PCDHA12: variants seen among roughly 807,000 people sequenced by gnomAD.
PCDHA12 encodes protocadherin alpha-12.
PCDHA12 carries 44 observed loss-of-function variants against 60.0 expected under a neutral mutation model. The observed-to-expected ratio is 0.73, with a 90% CI of 0.58 to 0.94. The LOEUF is 0.94. Among genes scored for constraint, PCDHA12 ranks in the 40% least tolerant of loss-of-function variants. PCDHA12 has a pLI of 0.00. For missense variants in PCDHA12, 1,276 were observed against 1,239.7 expected, an observed-to-expected ratio of 1.03 and a Z score of -0.44; for synonymous variants, 569 against 553.0, an observed-to-expected ratio of 1.03 and a Z score of -0.40.
rs150382315 is a variant in PCDHA12, at chr5:140,929,255, G to A, written c.2368-49694G>A. 5.2e-5 allele frequency: 84 copies of A among 1,613,256 alleles called. No homozygotes were observed. In the South Asian group the frequency reaches 8.9e-4, roughly 17 times the overall value. On this transcript the variant is annotated intron_variant, in intron 1 of 3. Coordinates refer to ENST00000398631, the MANE Select transcript of PCDHA12 (RefSeq NM_018903.4). ...CTGCGAAATCTTGCCACTGGGGTAG[G>A]ACTGAATTTGCCAATATCCTGTATT...
At position 140,978,997 on chromosome 5, in the gene PCDHA12, G is replaced by C. The variant is rs782253140; in HGVS notation, c.2416G>C (p.Gly806Arg). The C allele has an allele frequency of 2.7e-5, 44 of 1,614,040 alleles. No individual in the cohort carries two copies. Among genetic ancestry groups the C allele is most frequent in the Non-Finnish European group, 3.6e-5 (43 of 1,180,028 alleles). ...GCGTTACTCTGCCTCCCTGAGAGCA[G>C]GCATGCACAGGTATGTATTTCCCTC... ...DWRYSASLRAGMHSSVHLEEA... is the reference protein window; with the variant it reads ...DWRYSASLRARMHSSVHLEEA... Residue 806 changes from glycine to arginine, a missense_variant, in exon 2 of 4, where the codon GGC becomes CGC. Transcript: ENST00000398631.
At position 141,010,340 on chromosome 5, in the gene PCDHA12, C is replaced by T. The variant is rs1400539624; in HGVS notation, c.*403C>T. 2 of 1,533,798 alleles carry T rather than the reference C, an allele frequency of 1.3e-6. No homozygotes were observed. Among genetic ancestry groups the T allele is most frequent in the Non-Finnish European group, 1.8e-6 (2 of 1,140,544 alleles). On this transcript the variant is annotated 3_prime_UTR_variant, in exon 4 of 4. Coordinates refer to ENST00000398631, the MANE Select transcript of PCDHA12 (RefSeq NM_018903.4). ...TGAGCAGCTTGGGAGTTTGTGGCCA[C>T]TGGGTATGTGTGGCTACCGCGGGTA...
intron 3 of PCDHA12, among the ~76,000 whole-genome samples, chr5:140,998,290 C>T (rs782194130): frequency 3.9e-5 from 6 of 152,180 alleles, no homozygotes; most frequent in Admixed American, 2.6e-4. Context: ...TAAATCAGAT[C>T]ACACATTTAG....
intron 1 of PCDHA12, among the ~76,000 whole-genome samples, chr5:140,975,553 G>A (rs990389718): frequency 6.6e-6 from 1 of 152,226 alleles, no homozygotes; most frequent in Non-Finnish European, 1.5e-5. Flanking sequence ...TATTAGGAAG[G>A]AAAAGGAGAT....
intron 1 of PCDHA12, among the ~76,000 whole-genome samples, chr5:140,894,786 C>T (rs990092948): frequency 6.6e-6 from 1 of 151,576 alleles, no homozygotes; most frequent in Non-Finnish European, 1.5e-5. Flanking sequence ...AATTATTTGT[C>T]CTCTCCTTTA....
rs2098422568 is a variant in PCDHA12 at position 141,011,988 on chromosome 5, C to A, written c.*2051C>A. ...AAACTGTCTTGTCTACTTTTAGCTTCATTCTCCCATATTTTGAAGGGTGTG... is the reference window on the plus strand; with the variant it reads ...AAACTGTCTTGTCTACTTTTAGCTTAATTCTCCCATATTTTGAAGGGTGTG... On this transcript the variant is annotated 3_prime_UTR_variant, in exon 4 of 4. Coordinates refer to ENST00000398631, the MANE Select transcript of PCDHA12 (RefSeq NM_018903.4). 6.5e-6 allele frequency: 1 copy of A among 153,688 alleles called. No individual in the cohort carries two copies. The highest frequency in any genetic ancestry group is 2.4e-5 in the African/African-American group (1 of 41,434). 9.5% of individuals were successfully genotyped at this position (153,688 alleles called of 1,614,324 possible). A position where few individuals can be genotyped will look rare whatever the true frequency, so the allele number is the denominator to read the frequency against.
At chr5:140,948,868 G>A (rs191976148) in intron 1 of PCDHA12, among the ~76,000 whole-genome samples, 20 of 151,330 alleles carry the variant, frequency 1.3e-4, no homozygotes, top group African/African-American at 4.8e-4. Context: ...ATTACTTCGG[G>A]TTTACTTTGC....
chr5:140,903,431 A>G (rs1431018780), intron 1 of PCDHA12, among the ~76,000 whole-genome samples: 3 of 152,242 alleles, frequency 2.0e-5, no homozygotes, highest in South Asian at 2.1e-4. Context: ...CACAATATGT[A>G]TCAGTGGAAT....
Position 140,982,684 on chromosome 5 carries a change from T to C in PCDHA12, c.2515+121T>C. Reference sequence around the variant, plus strand: ...TTTTATATTTTTGTTATTCCCTTTTTTCCATACATACATGATTTCCTTACA... The same window carrying C: ...TTTTATATTTTTGTTATTCCCTTTTCTCCATACATACATGATTTCCTTACA... On this transcript the variant is annotated intron_variant, in intron 3 of 3. Transcript: ENST00000398631. The C allele has an allele frequency of 2.8e-6, 4 of 1,425,176 alleles. No individual in the cohort carries two copies. In the South Asian group the frequency reaches 6.0e-5, roughly 21 times the overall value. 88.3% of individuals were successfully genotyped at this position (1,425,176 alleles called of 1,614,324 possible).
chr5:140,881,494 A>G (rs1483226847), intron 1 of PCDHA12: 1 of 293,548 alleles, frequency 3.4e-6, no homozygotes, highest in African/African-American at 2.3e-5. Flanking sequence ...GTTTATGCAC[A>G]TACACACACT....
chr5:140,884,113 G>T (rs782579609), intron 1 of PCDHA12: 15 of 1,613,390 alleles, frequency 9.3e-6, no homozygotes, highest in Admixed American at 3.3e-5. Context: ...AGCTGGCGGC[G>T]GTCGGCGCGC....
In PCDHA12 at chr5:140,875,402, C is replaced by A; in HGVS notation, c.-71C>A. On this transcript the variant is annotated 5_prime_UTR_variant, in exon 1 of 4. Coordinates refer to ENST00000398631, the MANE Select transcript of PCDHA12 (RefSeq NM_018903.4). ...ATGTACTTACAGAAAAGGGTGACTG[C>A]TCATAAAATACCTCAGGCAAGCGAT... 6.7e-7 allele frequency: 1 copy of A among 1,488,874 alleles called. No individual in the cohort carries two copies. Among genetic ancestry groups the A allele is most frequent in the Admixed American group, 2.6e-5 (1 of 38,198 alleles). 92.2% of individuals were successfully genotyped at this position (1,488,874 alleles called of 1,614,324 possible).
Position 140,974,863 on chromosome 5 carries a change from G to A in PCDHA12, c.2368-4086G>A, listed in dbSNP as rs559374442. On this transcript the variant is annotated intron_variant, in intron 1 of 3. Coordinates refer to ENST00000398631, the MANE Select transcript of PCDHA12 (RefSeq NM_018903.4). ...ATGTTATATTCCCTTTTGCCTTAAT[G>A]CGGAACAGTCTATGTATCCCTTTTC... Among the ~76,000 whole-genome samples, 14 of 152,198 alleles carry A rather than the reference G, an allele frequency of 9.2e-5. No homozygotes were observed. The South Asian group carries it at 2.9e-3, about 32-fold the overall frequency.
At chr5:140,921,834 A>G (rs2080429595) in intron 1 of PCDHA12, among the ~76,000 whole-genome samples, 1 of 152,142 alleles carries the variant, frequency 6.6e-6, no homozygotes, top group Non-Finnish European at 1.5e-5. Context: ...ATACACATAT[A>G]GACATATTTA....
chr5:140,983,629 T>C (rs2097059537), intron 3 of PCDHA12, among the ~76,000 whole-genome samples: 1 of 152,228 alleles, frequency 6.6e-6, no homozygotes, highest in African/African-American at 2.4e-5. Flanking sequence ...TTAAGAAATG[T>C]ACCCAAGTTC....
chr5:140,879,125 A>C (rs1251255000), intron 1 of PCDHA12, among the ~76,000 whole-genome samples: 2 of 152,244 alleles, frequency 1.3e-5, no homozygotes, highest in African/African-American at 2.4e-5. Flanking sequence ...GGATTAGAGC[A>C]GGGGAGATTG....
chr5:140,894,584 T>G (rs1554186162), intron 1 of PCDHA12, among the ~76,000 whole-genome samples: 1 of 152,006 alleles, frequency 6.6e-6, no homozygotes, highest in Non-Finnish European at 1.5e-5. Flanking sequence ...TTTTAATATT[T>G]TACTGAGTTT....
chr5:140,927,682 T>C, intron 1 of PCDHA12: 1 of 1,613,992 alleles, frequency 6.2e-7, no homozygotes, highest in Non-Finnish European at 8.5e-7. Flanking sequence ...AGATGAAGGG[T>C]CCAATGGGGA....
intron 1 of PCDHA12, chr5:140,883,224 C>T (rs782659730): frequency 1.2e-6 from 2 of 1,613,946 alleles, no homozygotes; most frequent in Non-Finnish European, 1.7e-6. Flanking sequence ...TATGAAATAT[C>T]CGTGGAGGCA....
Sources: allele counts gnomAD v4.1 joint callset (sites outside exome capture counted in the v4.1 genomes callset), GRCh38; gene constraint gnomAD v4.1.1; transcripts MANE v1.5; gene names NCBI Gene and HGNC (gene_info 2026-07-23, HGNC 2026-07-21).